Variants in NDC1 observed in about 807,000 individuals in gnomAD.
The protein encoded by NDC1 is nucleoporin NDC1.
NDC1 carries 24 observed loss-of-function variants against 89.8 expected under a neutral mutation model. The observed-to-expected ratio is 0.27, with a 90% CI of 0.19 to 0.38. The LOEUF is 0.38. NDC1 is among the 10% of genes least tolerant of loss of function. The pLI is 1.00. For synonymous variants in NDC1, 296 were observed against 284.8 expected (o/e 1.04, Z -0.39); for missense variants, 728 against 797.6 (o/e 0.91, Z 1.05).
chr1:53,778,046 AT>A (rs1647176651), intron 16 of NDC1, among the ~76,000 whole-genome samples: 1 of 151,916 alleles, frequency 6.6e-6, no homozygotes. Context: ...AAAGATGTAA[AT>A]CTTTTGGTGG....
At chr1:53,780,985 C>G (rs1211682018) in intron 16 of NDC1, among the ~76,000 whole-genome samples, 1 of 151,734 alleles carries the variant, frequency 6.6e-6, no homozygotes, top group Non-Finnish European at 1.5e-5. Context: ...TCCCAAGTAG[C>G]TGGAACTATA....
intron 7 of NDC1, among the ~76,000 whole-genome samples, chr1:53,808,788 T>C (rs1648198739): frequency 6.6e-6 from 1 of 152,230 alleles, no homozygotes; most frequent in African/African-American, 2.4e-5. Flanking sequence ...TTTGGTTTCA[T>C]ACCTAGCAAG....
rs1202569001 is a variant in NDC1, at chr1:53,796,713, T to A, written c.1560A>T (p.Ser520=). 2 of 1,604,658 alleles carry A rather than the reference T, an allele frequency of 1.2e-6. No homozygotes were observed. Among genetic ancestry groups the A allele is most frequent in the Non-Finnish European group, 1.7e-6 (2 of 1,175,142 alleles). Residue 520 remains serine (S), a synonymous_variant, in exon 13 of 18, where the codon TCA becomes TCT. Transcript: ENST00000371429. The part of the protein sequence containing the change: ...KTMRQPSVIY[S]WIQNKREQIK... Reference sequence around the variant, plus strand: ...CCTGTTCACGTTTATTCTGAATCCATGAATAAATCACACTGGGTTGTCTCA... The same window carrying A: ...CCTGTTCACGTTTATTCTGAATCCAAGAATAAATCACACTGGGTTGTCTCA...
At chr1:53,799,547 T>C (rs1016506595) in intron 11 of NDC1, among the ~76,000 whole-genome samples, 7 of 152,226 alleles carry the variant, frequency 4.6e-5, no homozygotes, top group Admixed American at 1.3e-4. Context: ...GATTTTTAAA[T>C]ATCAAGATTA....
intron 5 of NDC1, among the ~76,000 whole-genome samples, chr1:53,824,991 T>C (rs1004250376): frequency 3.3e-5 from 5 of 151,372 alleles, no homozygotes; most frequent in Non-Finnish European, 5.9e-5. Flanking sequence ...CTGGGCAACA[T>C]GGAGAAACCC....
At chr1:53,802,096 C>T (rs977314745) in intron 10 of NDC1, among the ~76,000 whole-genome samples, 1 of 152,126 alleles carries the variant, frequency 6.6e-6, no homozygotes, top group Admixed American at 6.5e-5. Context: ...AAATGCCACC[C>T]TTTTACGGTT....
Position 53,796,673 on chromosome 1 carries a change from A to C in NDC1, c.1584+16T>G. ...TTTTACATGCAAATATAAATCCTATAACCATATCATCCTACCTGTTCACGT... is the reference window on the plus strand; with the variant it reads ...TTTTACATGCAAATATAAATCCTATCACCATATCATCCTACCTGTTCACGT... On this transcript the variant is annotated intron_variant, in intron 13 of 17. Coordinates refer to ENST00000371429, the MANE Select transcript of NDC1 (RefSeq NM_018087.5). 6.7e-7 allele frequency: 1 copy of C among 1,498,844 alleles called. No homozygotes were observed. The highest frequency in any genetic ancestry group is 2.3e-5 in the East Asian group (1 of 44,348). The allele number at this position is 1,498,844 out of a possible 1,614,324, so 92.8% of individuals were successfully genotyped here.
Position 53,801,880 on chromosome 1 carries a change from C to T in NDC1, c.1067-1032G>A, listed in dbSNP as rs1647931906. On this transcript the variant is annotated intron_variant, in intron 10 of 17. Coordinates refer to ENST00000371429, the MANE Select transcript of NDC1 (RefSeq NM_018087.5). ...CAAGCAATTCTCCTGCCTCAGCCTCCCGAGTAGCTGGGATTATAGGTGTGC... is the reference window on the plus strand; with the variant it reads ...CAAGCAATTCTCCTGCCTCAGCCTCTCGAGTAGCTGGGATTATAGGTGTGC... 3.3e-5 allele frequency among the ~76,000 whole-genome samples: 5 copies of T among 152,162 alleles called. No individual in the cohort carries two copies. In the South Asian group the frequency reaches 1.0e-3, roughly 32 times the overall value.
rs887505249 is a variant in NDC1 at position 53,809,589 on chromosome 1, T to C, written c.755+106A>G. 13 of 804,818 alleles carry C rather than the reference T, an allele frequency of 1.6e-5. No individual in the cohort carries two copies. In the African/African-American group the frequency reaches 2.3e-4, roughly 14 times the overall value. The allele number at this position is 804,818 out of a possible 1,614,324, so 49.9% of individuals were successfully genotyped here. ...TATGTATTCAAAAATGAATACAATT[T>C]TTAAAAAAATGTTAAAGGCAAAATC... On this transcript the variant is annotated intron_variant, in intron 7 of 17. Transcript: ENST00000371429.
At chr1:53,807,848 CA>C (rs570411576) in intron 7 of NDC1, 57 bp from the exon 8 acceptor site, 32 of 1,495,228 alleles carry the variant, frequency 2.1e-5, no homozygotes, top group Non-Finnish European at 2.8e-5. Flanking sequence ...TAAATATTAA[CA>C]CACTTAAGTC....
Position 53,767,051 on chromosome 1 carries a change from T to C in NDC1, c.*919A>G, listed in dbSNP as rs1169123251. The C allele has an allele frequency of 2.6e-5, 4 of 152,190 alleles. No individual in the cohort carries two copies. The highest frequency in any genetic ancestry group is 4.8e-5 in the African/African-American group (2 of 41,450). 9.4% of individuals were successfully genotyped at this position (152,190 alleles called of 1,614,324 possible). ...AGCCATTTAACACTACAGAGGCTGC[T>C]CCCTTTGAGAGACCAGACAAGTTTC... On this transcript the variant is annotated 3_prime_UTR_variant, in exon 18 of 18. Transcript: ENST00000371429.
At chr1:53,797,608 T>G (rs1205589699) in intron 11 of NDC1, among the ~76,000 whole-genome samples, 1 of 152,070 alleles carries the variant, frequency 6.6e-6, no homozygotes, top group Admixed American at 6.6e-5. Context: ...TTCCCCAGTT[T>G]TTTCCTTTCC....
intron 7 of NDC1, among the ~76,000 whole-genome samples, chr1:53,808,460 T>C (rs148251079): frequency 2.6e-5 from 4 of 152,332 alleles, no homozygotes; most frequent in African/African-American, 9.6e-5. Context: ...AAGAGTGGCA[T>C]AATATGTTCA....
intron 14 of NDC1, among the ~76,000 whole-genome samples, chr1:53,792,233 T>C (rs561084125): frequency 9.7e-4 from 148 of 152,300 alleles, no homozygotes; most frequent in African/African-American, 2.8e-3. Flanking sequence ...TGAGCCACCA[T>C]GCCCGGCCTT....
chr1:53,813,234 C>T (rs1236742053), intron 6 of NDC1, among the ~76,000 whole-genome samples: 1 of 152,118 alleles, frequency 6.6e-6, no homozygotes, highest in Non-Finnish European at 1.5e-5. Context: ...CAAACAAGTA[C>T]ACAGGCAACA....
chr1:53,806,402 G>A, intron 9 of NDC1, 23 bp downstream of exon 9: 1 of 1,423,586 alleles, frequency 7.0e-7, no homozygotes, highest in South Asian at 1.4e-5. Flanking sequence ...ACTGTGTGAA[G>A]ATATGCAACA....
intron 5 of NDC1, among the ~76,000 whole-genome samples, chr1:53,824,131 G>C (rs1426338659): frequency 6.6e-6 from 1 of 151,444 alleles, no homozygotes; most frequent in Non-Finnish European, 1.5e-5. Context: ...CTACTCAGGA[G>C]GACTGAGGTA....
intron 16 of NDC1, among the ~76,000 whole-genome samples, chr1:53,784,369 T>A (rs1647255377): frequency 6.6e-6 from 1 of 152,166 alleles, no homozygotes; most frequent in African/African-American, 2.4e-5. Context: ...GGGATGTGGA[T>A]CAAGCCAGGC....
chr1:53,825,727 A>G, intron 5 of NDC1, 71 bp downstream of exon 5: 1 of 1,248,042 alleles, frequency 8.0e-7, no homozygotes, highest in South Asian at 1.6e-5. Context: ...AAATCCAGTT[A>G]TATACATATG....
Sources: gnomAD v4.1 joint callset for allele counts (sites outside exome capture counted in the v4.1 genomes callset) on GRCh38, gnomAD v4.1.1 for gene constraint, MANE v1.5 for transcripts, NCBI Gene and HGNC (gene_info 2026-07-23, HGNC 2026-07-21) for gene names.